AATF: variants seen among roughly 807,000 people sequenced by gnomAD.
The protein encoded by AATF is protein AATF.
A neutral mutation model predicts 63.7 loss-of-function variants in AATF; 48 were observed. That is an observed-to-expected ratio of 0.75 (90% CI 0.60 to 0.96). The LOEUF (loss-of-function observed/expected upper bound fraction) is 0.96. AATF is among the 40% of genes least tolerant of loss of function. AATF has a pLI of 0.00. For missense variants in AATF, 639 were observed against 685.7 expected (o/e 0.93, Z 0.76); for synonymous variants, 258 against 247.7 (o/e 1.04, Z -0.39).
intron 4 of AATF, among the ~76,000 whole-genome samples, chr17:36,965,475 C>T (rs996841842): frequency 6.6e-6 from 1 of 152,174 alleles, no homozygotes; most frequent in East Asian, 1.9e-4. Context: ...ATTATATCTG[C>T]AAAGTCCTTT....
intron 4 of AATF, among the ~76,000 whole-genome samples, chr17:36,968,585 A>G (rs545576133): frequency 6.6e-6 from 1 of 151,006 alleles, no homozygotes; most frequent in East Asian, 1.9e-4. Flanking sequence ...CTCTTCTATC[A>G]TATTTTTATT....
At chr17:36,970,614 C>T (rs888139177) in intron 4 of AATF, among the ~76,000 whole-genome samples, 4 of 150,610 alleles carry the variant, frequency 2.7e-5, no homozygotes, top group Non-Finnish European at 5.9e-5. Flanking sequence ...GATCATGGCT[C>T]ACTGCAGCAC....
chr17:36,952,831 G>A (rs913051781), intron 2 of AATF, 55 bp from the exon 3 acceptor site: 13 of 1,570,804 alleles, frequency 8.3e-6, no homozygotes, highest in African/African-American at 4.1e-5. Flanking sequence ...TCTATGGCTT[G>A]GTATTTTCTC....
Position 36,986,664 on chromosome 17 carries a change from GA to G in AATF, c.882del (p.Glu295SerfsTer12). The G allele has an allele frequency of 1.9e-6, 3 of 1,614,114 alleles. No homozygotes were observed. The highest frequency in any genetic ancestry group is 2.5e-6 in the Non-Finnish European group (3 of 1,180,004). On this transcript the variant is annotated frameshift_variant, in exon 5 of 12. Transcript: ENST00000619387. LOFTEE classifies it high-confidence loss of function. ...GTTGAGGTCATTGGTAGGTCTTCAG[GA>G]AGAGTTGCTTTTCCAGTACCCAGAC... ...ALLRSLVGLQ[E>X]ELLFQYPDTR...
intron 11 of AATF, among the ~76,000 whole-genome samples, chr17:37,035,249 T>G (rs905949881): frequency 6.6e-6 from 1 of 151,994 alleles, no homozygotes; most frequent in African/African-American, 2.4e-5. Context: ...GACAGAGTTT[T>G]GCTCTGTCAC....
chr17:36,988,472 A>T, intron 5 of AATF, 47 bp from the exon 6 acceptor site: 1 of 1,579,926 alleles, frequency 6.3e-7, no homozygotes, highest in Non-Finnish European at 8.6e-7. Context: ...TTAAAATCTA[A>T]GTAATGTTTG....
chr17:37,043,968 G>A (rs181202799), intron 11 of AATF, among the ~76,000 whole-genome samples: 2 of 152,276 alleles, frequency 1.3e-5, no homozygotes, highest in African/African-American at 4.8e-5. Flanking sequence ...TCACATCTGT[G>A]TATTACGCCA....
At chr17:36,963,800 T>C (rs377383771) in intron 4 of AATF, among the ~76,000 whole-genome samples, 30 of 152,350 alleles carry the variant, frequency 2.0e-4, no homozygotes, top group African/African-American at 6.5e-4. Flanking sequence ...AACTGACTTA[T>C]CTAGCAACAT....
At chr17:36,950,613 C>T (rs1458580296) in intron 2 of AATF, among the ~76,000 whole-genome samples, 1 of 152,158 alleles carries the variant, frequency 6.6e-6, no homozygotes, top group Non-Finnish European at 1.5e-5. Flanking sequence ...GAGGCTCCTG[C>T]CTCAGCCTCC....
At chr17:37,035,233 T>A (rs1192625367) in intron 11 of AATF, among the ~76,000 whole-genome samples, 1 of 152,058 alleles carries the variant, frequency 6.6e-6, no homozygotes, top group African/African-American at 2.4e-5. Flanking sequence ...TATTATTTTT[T>A]TTTGAGACAG....
chr17:37,046,285 C>T (rs770333346), intron 11 of AATF, among the ~76,000 whole-genome samples: 3 of 151,942 alleles, frequency 2.0e-5, no homozygotes, highest in Middle Eastern at 3.4e-3. Context: ...GTCCTTCACG[C>T]GGAGGAGACC....
At chr17:37,003,919 C>T (rs555840781) in intron 8 of AATF, among the ~76,000 whole-genome samples, 1 of 151,698 alleles carries the variant, frequency 6.6e-6, no homozygotes, top group Admixed American at 6.6e-5. Context: ...CCTTGGGCAA[C>T]ATGGCAAAAC....
rs1442723395 is a variant in AATF at position 37,056,784 on chromosome 17, T to A, written c.*120T>A. On this transcript the variant is annotated 3_prime_UTR_variant, in exon 12 of 12. Coordinates refer to ENST00000619387, the MANE Select transcript of AATF (RefSeq NM_012138.4). ...GGGAAGCCCCTGGAAAGATGCTGCG[T>A]TCCGAACCTGTGCCTAATACACGCA... 3.6e-6 allele frequency: 4 copies of A among 1,119,968 alleles called. No homozygotes were observed. Among genetic ancestry groups the A allele is most frequent in the Non-Finnish European group, 5.2e-6 (4 of 775,166 alleles). 69.4% of individuals were successfully genotyped at this position (1,119,968 alleles called of 1,614,324 possible). A position where few individuals can be genotyped will look rare whatever the true frequency, so the allele number is the denominator to read the frequency against.
At chr17:37,009,765 C>T (rs1236546939) in intron 8 of AATF, among the ~76,000 whole-genome samples, 4 of 133,958 alleles carry the variant, frequency 3.0e-5, no homozygotes, top group Middle Eastern at 8.0e-3. Context: ...TGCGGTGAGC[C>T]GAGATTGCGC....
intron 4 of AATF, among the ~76,000 whole-genome samples, chr17:36,972,563 T>A (rs2071047209): frequency 6.6e-6 from 1 of 152,186 alleles, no homozygotes; most frequent in Non-Finnish European, 1.5e-5. Flanking sequence ...AATTTTTTTT[T>A]AAAGAGACAG....
chr17:37,031,790 T>A, intron 11 of AATF, 105 bp downstream of exon 11: 1 of 936,222 alleles, frequency 1.1e-6, no homozygotes, highest in Non-Finnish European at 1.8e-6. Flanking sequence ...AGTTAACCAT[T>A]TGTCATTGGC....
At chr17:37,028,959 A>G (rs542987422) in intron 10 of AATF, among the ~76,000 whole-genome samples, 3 of 152,226 alleles carry the variant, frequency 2.0e-5, no homozygotes, top group South Asian at 2.1e-4. Context: ...GTGAATATAT[A>G]TATATATAAG....
rs1237118313 is a variant in AATF at position 37,020,845 on chromosome 17, TGCAGG to T, written c.1467-87_1467-83del. The T allele has an allele frequency of 1.2e-5, 13 of 1,061,730 alleles. 1 individual carries two copies. In the Admixed American group the frequency reaches 1.6e-4, roughly 13 times the overall value. The allele number at this position is 1,061,730 out of a possible 1,614,324, so 65.8% of individuals were successfully genotyped here. A position where few individuals can be genotyped will look rare whatever the true frequency, so the allele number is the denominator to read the frequency against. ...TTGATGTAGGTTGATGATTTCTTTC[TGCAGG>T]GTTGTTAGAATAATTCCAATTTGTC... On this transcript the variant is annotated intron_variant, in intron 9 of 11. Coordinates refer to ENST00000619387, the MANE Select transcript of AATF (RefSeq NM_012138.4).
chr17:37,027,814 A>G (rs770598881), intron 10 of AATF, among the ~76,000 whole-genome samples: 1 of 152,040 alleles, frequency 6.6e-6, no homozygotes, highest in Non-Finnish European at 1.5e-5. Context: ...ACGTGTGGCT[A>G]GTAGCTACTG....
Sources: gnomAD v4.1 joint callset for allele counts (sites outside exome capture counted in the v4.1 genomes callset) on GRCh38, gnomAD v4.1.1 for gene constraint, MANE v1.5 for transcripts, NCBI Gene and HGNC (gene_info 2026-07-23, HGNC 2026-07-21) for gene names.